Variants in TMEM128 observed in about 807,000 individuals in gnomAD.
TMEM128 encodes the protein transmembrane protein 128.
Under a neutral mutation model 19.7 loss-of-function variants are expected in TMEM128, and 16 were observed. The observed-to-expected ratio is 0.81, with a 90% CI of 0.55 to 1.23. The LOEUF (loss-of-function observed/expected upper bound fraction) is 1.23, where lower values mean the gene tolerates loss of function less well. TMEM128 is among the 50% of genes most tolerant of loss of function. The pLI, the probability that TMEM128 is intolerant of heterozygous loss-of-function variation, is 0.00. For missense variants in TMEM128, 237 were observed against 200.8 expected, an observed-to-expected ratio of 1.18 and a Z score of -1.09; for synonymous variants, 98 against 75.8, an observed-to-expected ratio of 1.29 and a Z score of -1.52.
chr4:4,241,083 T>C (rs1717939852), intron 2 of TMEM128, among the ~76,000 whole-genome samples: 1 of 152,118 alleles, frequency 6.6e-6, no homozygotes, highest in Admixed American at 6.5e-5. Flanking sequence ...TGAAACTCTG[T>C]CTCAAAAAAT....
At chr4:4,247,576 CA>C (rs776064712) in intron 1 of TMEM128, 2 of 1,614,046 alleles carry the variant, frequency 1.2e-6, no homozygotes, top group Non-Finnish European at 1.7e-6. Context: ...TATGCATTCA[CA>C]GGTGAACATA....
intron 2 of TMEM128, among the ~76,000 whole-genome samples, chr4:4,245,678 T>G (rs1003424532): frequency 3.3e-5 from 5 of 152,204 alleles, no homozygotes; most frequent in African/African-American, 1.2e-4. Context: ...TTGGTTTTAT[T>G]TTTTCCAGCT....
chr4:4,247,786 G>A (rs775880764), intron 1 of TMEM128: 5 of 1,471,270 alleles, frequency 3.4e-6, no homozygotes, highest in Non-Finnish European at 4.5e-6. Flanking sequence ...CAATCCTGAA[G>A]TGAAACACTG....
chr4:4,237,452 AACATAAGGAG>A (rs1212031289), intron 4 of TMEM128, among the ~76,000 whole-genome samples: 2 of 152,226 alleles, frequency 1.3e-5, no homozygotes, highest in African/African-American at 4.8e-5. Context: ...CAGCCTGGGC[AACATAAGGAG>A]ACTCTGTTTC....
intron 2 of TMEM128, among the ~76,000 whole-genome samples, chr4:4,243,204 C>A (rs937486524): frequency 1.3e-5 from 2 of 152,172 alleles, no homozygotes; most frequent in African/African-American, 4.8e-5. Flanking sequence ...CTCAGCCTCC[C>A]AAGTAGCTGG....
intron 2 of TMEM128, among the ~76,000 whole-genome samples, chr4:4,243,317 C>T (rs1273506484): frequency 6.6e-6 from 1 of 151,958 alleles, no homozygotes; most frequent in African/African-American, 2.4e-5. Flanking sequence ...CTCCTGACCT[C>T]GTGATCCGCC....
At chr4:4,247,806 T>C (rs1181619050) in intron 1 of TMEM128, 12 of 1,446,494 alleles carry the variant, frequency 8.3e-6, no homozygotes, top group Admixed American at 2.5e-5. Flanking sequence ...GCGCACATCA[T>C]TGTACACTGC....
intron 3 of TMEM128, among the ~76,000 whole-genome samples, chr4:4,239,576 T>C (rs1717861144): frequency 6.6e-6 from 1 of 152,142 alleles, no homozygotes; most frequent in African/African-American, 2.4e-5. Context: ...CCAACAGAAA[T>C]GTGTTCACTG....
Position 4,246,286 on chromosome 4 carries a change from G to A in TMEM128, c.155C>T (p.Ser52Phe), listed in dbSNP as rs896280858. Reference protein sequence around the residue: ...EKPLPRLNIHSGFWILASIVV... With the variant: ...EKPLPRLNIHFGFWILASIVV... ...AATGGATGCCAAAATCCAGAATCCAGAATGGATATTAAGTCTTGGAAGAGG... is the reference window on the plus strand; with the variant it reads ...AATGGATGCCAAAATCCAGAATCCAAAATGGATATTAAGTCTTGGAAGAGG... The change falls in exon 2 of 5, where the codon TCT (serine) becomes TTT (phenylalanine). Residue 52 changes from serine (S) to phenylalanine (F), a missense_variant. Ser to Phe is a radical substitution (Grantham distance 155). Coordinates refer to ENST00000382753, the MANE Select transcript of TMEM128 (RefSeq NM_001297551.2). The A allele has an allele frequency of 1.1e-5, 17 of 1,613,004 alleles. No individual in the cohort carries two copies. Among genetic ancestry groups the A allele is most frequent in the Non-Finnish European group, 1.4e-5 (17 of 1,179,562 alleles).
chr4:4,245,825 T>TAC (rs946599212), intron 2 of TMEM128, among the ~76,000 whole-genome samples: 5 of 151,818 alleles, frequency 3.3e-5, no homozygotes, highest in Non-Finnish European at 2.9e-5. Context: ...TGTATACATA[T>TAC]ACACACACAC....
intron 3 of TMEM128, among the ~76,000 whole-genome samples, chr4:4,240,058 A>G (rs1023322940): frequency 6.6e-6 from 1 of 152,206 alleles, no homozygotes; most frequent in African/African-American, 2.4e-5. Flanking sequence ...TTCTATATGT[A>G]CTGTATGTCA....
intron 3 of TMEM128, among the ~76,000 whole-genome samples, chr4:4,239,598 C>T (rs1177153368): frequency 2.0e-5 from 3 of 152,110 alleles, no homozygotes; most frequent in Non-Finnish European, 4.4e-5. Flanking sequence ...GCTACAAGAG[C>T]CATGTACAAG....
At position 4,236,030 on chromosome 4, in the gene TMEM128, C is replaced by T. The variant is rs1452915509; in HGVS notation, c.*236G>A. On this transcript the variant is annotated 3_prime_UTR_variant, in exon 5 of 5. Transcript: ENST00000382753. Reference sequence around the variant, plus strand: ...CAGTTATACAAAGTCACAATTTTCCCCAGGAAACCATTCACTTCATAGCTG... The same window carrying T: ...CAGTTATACAAAGTCACAATTTTCCTCAGGAAACCATTCACTTCATAGCTG... 6.6e-6 allele frequency: 1 copy of T among 152,088 alleles called. No homozygotes were observed. The highest frequency in any genetic ancestry group is 1.5e-5 in the Non-Finnish European group (1 of 68,022). 9.4% of individuals were successfully genotyped at this position (152,088 alleles called of 1,614,324 possible).
In TMEM128 at chr4:4,240,468, C is replaced by T; in HGVS notation, c.251G>A (p.Cys84Tyr). The change falls in exon 3 of 5, where the codon TGT becomes TAT. Residue 84 changes from cysteine (C) to tyrosine (Y), a missense_variant. Physicochemically the swap from Cys to Tyr is radical, Grantham distance 194. Coordinates refer to ENST00000382753, the MANE Select transcript of TMEM128 (RefSeq NM_001297551.2). Reference protein sequence around the residue: ...ENFHTSSWFLCGSALLLVSLS... With the variant: ...ENFHTSSWFLYGSALLLVSLS... ...ACTGACAAGCAACAAGGCACTGCCA[C>T]AGAGAAACCAGCTGTGGAGATAAAA... 1 of 1,612,998 alleles carries T rather than the reference C, an allele frequency of 6.2e-7. No individual in the cohort carries two copies. Among genetic ancestry groups the T allele is most frequent in the Non-Finnish European group, 8.5e-7 (1 of 1,179,274 alleles).
At chr4:4,246,077 C>T in intron 2 of TMEM128, 125 bp downstream of exon 2, 1 of 969,086 alleles carries the variant, frequency 1.0e-6, no homozygotes, top group South Asian at 2.0e-5. Flanking sequence ...TTCGTATCAC[C>T]ACACCTCCAA....
At chr4:4,237,976 G>A (rs1253725149) in intron 3 of TMEM128, 41 bp from the exon 4 acceptor site, 2 of 1,233,478 alleles carry the variant, frequency 1.6e-6, no homozygotes, top group South Asian at 1.6e-5. Flanking sequence ...ACTCCAATAT[G>A]CATCAATATA....
rs1717895843 is a variant in TMEM128, at chr4:4,240,327, C to T, written c.392G>A (p.Gly131Glu). Residue 131 changes from glycine to glutamate, a missense_variant, in exon 3 of 5, where the codon GGA becomes GAA. Coordinates refer to ENST00000382753, the MANE Select transcript of TMEM128 (RefSeq NM_001297551.2). ...PITTASFIAA[G>E]ICFNIALWHV... is the part of the protein sequence containing the mutation. ...CATTTCAAAGTTAACTTACCAAATT[C>T]CTGCTGCAATAAAGGAGGCAGTGGT... 21 of 1,612,612 alleles carry T rather than the reference C, an allele frequency of 1.3e-5. No homozygotes were observed. Among genetic ancestry groups the T allele is most frequent in the Admixed American group, 1.7e-5 (1 of 59,524 alleles).
At chr4:4,241,580 T>C (rs1717958753) in intron 2 of TMEM128, among the ~76,000 whole-genome samples, 1 of 152,216 alleles carries the variant, frequency 6.6e-6, no homozygotes, top group East Asian at 1.9e-4. Flanking sequence ...AGGCACAAAG[T>C]GAACTTCCAA....
intron 2 of TMEM128, among the ~76,000 whole-genome samples, chr4:4,243,023 G>A (rs950174323): frequency 1.3e-5 from 2 of 152,076 alleles, no homozygotes; most frequent in Non-Finnish European, 2.9e-5. Flanking sequence ...CACACAAGCC[G>A]AGTATTTTAA....
Sources: gnomAD v4.1 joint callset for allele counts (sites outside exome capture counted in the v4.1 genomes callset) on GRCh38, gnomAD v4.1.1 for gene constraint, MANE v1.5 for transcripts, NCBI Gene and HGNC (gene_info 2026-07-23, HGNC 2026-07-21) for gene names.